Variants in HDAC9 observed in about 807,000 individuals in gnomAD.
HDAC9 encodes histone deacetylase 9, also known as MEF-2 interacting transcription repressor (MITR) protein.
In HDAC9, 41 loss-of-function variants were observed where a neutral mutation model predicts 139.4. The ratio of observed to expected loss-of-function variants is 0.29; its 90% CI spans 0.23 to 0.38. HDAC9 has a LOEUF of 0.38. Among genes scored for constraint, HDAC9 ranks in the 10% least tolerant of loss-of-function variants. The pLI is 1.00. For missense variants in HDAC9, 1,147 were observed against 1,297.0 expected, an observed-to-expected ratio of 0.88 and a Z score of 1.78; for synonymous variants, 517 against 476.2, an observed-to-expected ratio of 1.09 and a Z score of -1.12.
intron 1 of HDAC9, among the ~76,000 whole-genome samples, chr7:18,316,333 G>C (rs1158196802): frequency 6.6e-6 from 1 of 152,118 alleles, no homozygotes; most frequent in African/African-American, 2.4e-5. Flanking sequence ...TGATAACTTT[G>C]CACTCAGTTT....
intron 1 of HDAC9, among the ~76,000 whole-genome samples, chr7:18,406,118 A>G (rs958203299): frequency 1.3e-5 from 2 of 152,232 alleles, no homozygotes; most frequent in African/African-American, 4.8e-5. Context: ...CATTCTTAAA[A>G]ATACTGATAA....
intron 1 of HDAC9, among the ~76,000 whole-genome samples, chr7:18,438,022 C>T (rs2128770643): frequency 6.6e-6 from 1 of 151,304 alleles, no homozygotes; most frequent in South Asian, 2.1e-4. Flanking sequence ...ATGTCTTGGA[C>T]ATCTTTATAA....
At chr7:18,832,288 A>AT (rs1795908276) in intron 19 of HDAC9, among the ~76,000 whole-genome samples, 2 of 152,338 alleles carry the variant, frequency 1.3e-5, no homozygotes, top group African/African-American at 4.8e-5. Context: ...ATGTCCTTAG[A>AT]TTTTGGGAAA....
intron 1 of HDAC9, among the ~76,000 whole-genome samples, chr7:18,377,320 C>T (rs1279961163): frequency 6.6e-6 from 1 of 152,156 alleles, no homozygotes; most frequent in Admixed American, 6.5e-5. Context: ...CTAATACCAT[C>T]ACATTGGAGG....
chr7:18,858,926 C>T (rs778952281), intron 21 of HDAC9, among the ~76,000 whole-genome samples: 2 of 152,162 alleles, frequency 1.3e-5, no homozygotes, highest in Non-Finnish European at 2.9e-5. Context: ...ACATGATATG[C>T]CTTCATTGCC....
At chr7:18,265,434 A>T (rs1795933500) in intron 2 of HDAC9, among the ~76,000 whole-genome samples, 1 of 152,228 alleles carries the variant, frequency 6.6e-6, no homozygotes, top group Admixed American at 6.5e-5. Flanking sequence ...CCAAGGAAGC[A>T]TATTGTATAG....
intron 2 of HDAC9, among the ~76,000 whole-genome samples, chr7:18,280,938 T>C (rs1028239630): frequency 6.6e-6 from 1 of 152,216 alleles, no homozygotes; most frequent in African/African-American, 2.4e-5. Flanking sequence ...CTTAATGTTA[T>C]CTTTTCCAGT....
At chr7:18,345,274 T>C (rs535926751) in intron 1 of HDAC9, among the ~76,000 whole-genome samples, 1 of 152,024 alleles carries the variant, frequency 6.6e-6, no homozygotes, top group African/African-American at 2.4e-5. Context: ...AATGAAACAT[T>C]AGAATGTAGA....
intron 1 of HDAC9, among the ~76,000 whole-genome samples, chr7:18,099,906 G>T (rs527984579): frequency 6.6e-6 from 1 of 151,958 alleles, no homozygotes; most frequent in Non-Finnish European, 1.5e-5. Flanking sequence ...GTATTTACTC[G>T]AGTAGTTACC....
chr7:18,333,586 A>G (rs575927225), intron 1 of HDAC9, among the ~76,000 whole-genome samples: 99 of 151,652 alleles, frequency 6.5e-4, no homozygotes, highest in African/African-American at 2.3e-3. Flanking sequence ...TAGTAACACC[A>G]TTAAGGGAAT....
chr7:18,750,340 C>G (rs1788333352), intron 14 of HDAC9, among the ~76,000 whole-genome samples: 1 of 152,062 alleles, frequency 6.6e-6, no homozygotes, highest in African/African-American at 2.4e-5. Flanking sequence ...TTAAAAACAT[C>G]AAAACATTGG....
At chr7:18,744,024 T>TC (rs1787708765) in intron 13 of HDAC9, among the ~76,000 whole-genome samples, 1 of 148,846 alleles carries the variant, frequency 6.7e-6, no homozygotes, top group Non-Finnish European at 1.5e-5. Context: ...TTTTTTTTTT[T>TC]TTTTTTTTTG....
At chr7:18,537,421 C>T (rs1811264701) in intron 2 of HDAC9, among the ~76,000 whole-genome samples, 1 of 152,070 alleles carries the variant, frequency 6.6e-6, no homozygotes, top group Non-Finnish European at 1.5e-5. Flanking sequence ...TTGTGCTGCA[C>T]TCATCTCCAA....
intron 2 of HDAC9, among the ~76,000 whole-genome samples, chr7:18,168,895 T>TG (rs1344936412): frequency 3.5e-3 from 411 of 117,794 alleles, no homozygotes; most frequent in Middle Eastern, 8.8e-3. Flanking sequence ...TTTTTTTTTT[T>TG]TTTGTGTGTG....
At chr7:18,503,514 T>A (rs1798949838) in intron 2 of HDAC9, among the ~76,000 whole-genome samples, 1 of 152,232 alleles carries the variant, frequency 6.6e-6, no homozygotes, top group Non-Finnish European at 1.5e-5. Context: ...ACTTCTTGTG[T>A]TTTTATAAGA....
Position 18,751,459 on chromosome 7 carries a change from G to A in HDAC9, c.2043+2321G>A, listed in dbSNP as rs144119438. ...GTTCACCAGGTGTTTGCTTTCTTAAGTGAAGATTATGTTGCCGATATTATT... is the reference window on the plus strand; with the variant it reads ...GTTCACCAGGTGTTTGCTTTCTTAAATGAAGATTATGTTGCCGATATTATT... On this transcript the variant is annotated intron_variant, in intron 14 of 25. Transcript: ENST00000686413. Among the ~76,000 whole-genome samples, 15 of 152,206 alleles carry A rather than the reference G, an allele frequency of 9.9e-5. No homozygotes were observed. In the East Asian group the frequency reaches 2.5e-3, roughly 25 times the overall value.
intron 13 of HDAC9, among the ~76,000 whole-genome samples, chr7:18,742,159 A>G (rs1273702948): frequency 1.3e-5 from 2 of 152,230 alleles, no homozygotes; most frequent in Admixed American, 6.5e-5. Flanking sequence ...AAGGTCTACT[A>G]TCGGTTAAAT....
intron 1 of HDAC9, among the ~76,000 whole-genome samples, chr7:18,322,566 G>A (rs1243865549): frequency 6.6e-6 from 1 of 152,130 alleles, no homozygotes; most frequent in African/African-American, 2.4e-5. Flanking sequence ...CATATTGAAA[G>A]GATCTAATTC....
intron 24 of HDAC9, among the ~76,000 whole-genome samples, chr7:18,966,187 C>T (rs546076574): frequency 3.0e-4 from 45 of 152,314 alleles, no homozygotes; most frequent in African/African-American, 1.1e-3. Context: ...ATACAAAATA[C>T]AATTGATAAC....
Sources: gnomAD v4.1 joint callset for allele counts (sites outside exome capture counted in the v4.1 genomes callset) on GRCh38, gnomAD v4.1.1 for gene constraint, MANE v1.5 for transcripts, NCBI Gene and HGNC (gene_info 2026-07-23, HGNC 2026-07-21) for gene names.